The following USH2A variants were observed in gnomAD, a reference collection of about 807,000 sequenced individuals.
USH2A encodes the protein Usher syndrome 2A (autosomal recessive, mild).
Under a neutral mutation model 538.9 loss-of-function variants are expected in USH2A, and 443 were observed. The ratio of observed to expected loss-of-function variants is 0.82; its 90% confidence interval spans 0.76 to 0.89. The LOEUF (loss-of-function observed/expected upper bound fraction) is 0.89. Ranked by LOEUF, USH2A falls within the 40% of genes least tolerant of loss-of-function variation. USH2A has a pLI of 0.00. For missense variants in USH2A, 6,633 were observed against 6,324.8 expected (o/e 1.05, Z -1.65); for synonymous variants, 2,413 against 2,273.5 (o/e 1.06, Z -1.75).
chr1:216,242,304 C>A (rs992428937), intron 13 of USH2A, among the ~76,000 whole-genome samples: 1 of 151,076 alleles, frequency 6.6e-6, no homozygotes, highest in African/African-American at 2.4e-5. Flanking sequence ...GCCGAGACTG[C>A]GCCACTGAAC....
chr1:215,797,134 T>C (rs1021717956), intron 50 of USH2A, among the ~76,000 whole-genome samples: 2 of 152,170 alleles, frequency 1.3e-5, no homozygotes, highest in South Asian at 4.1e-4. Context: ...AATAGTCCCT[T>C]AGGCCAAAGC....
chr1:215,706,712 AT>A (rs1659194275), intron 61 of USH2A, among the ~76,000 whole-genome samples: 1 of 152,078 alleles, frequency 6.6e-6, no homozygotes, highest in Non-Finnish European at 1.5e-5. Flanking sequence ...TTTTCTTTGG[AT>A]TTTTCAGTTA....
chr1:215,643,884 A>G (rs1656768481), intron 67 of USH2A, among the ~76,000 whole-genome samples: 1 of 152,190 alleles, frequency 6.6e-6, no homozygotes, highest in Non-Finnish European at 1.5e-5. Context: ...TAAGAAAAAA[A>G]AAATTCTGGC....
chr1:215,765,434 C>T (rs1661098772), intron 56 of USH2A, among the ~76,000 whole-genome samples: 1 of 152,086 alleles, frequency 6.6e-6, no homozygotes, highest in African/African-American at 2.4e-5. Context: ...TTCCGAGGTA[C>T]AACAATCCAT....
intron 47 of USH2A, among the ~76,000 whole-genome samples, chr1:215,824,415 C>T (rs1003931835): frequency 6.6e-6 from 1 of 151,898 alleles, no homozygotes; most frequent in Admixed American, 6.6e-5. Flanking sequence ...GATGGTGCCT[C>T]AGGTCCAGGT....
intron 26 of USH2A, among the ~76,000 whole-genome samples, chr1:216,080,757 C>T (rs1389435590): frequency 1.3e-5 from 2 of 150,630 alleles, no homozygotes; most frequent in Non-Finnish European, 3.0e-5. Context: ...GGGATAGAAT[C>T]TAGGATGACG....
chr1:216,245,620 C>T (rs531806326), intron 13 of USH2A, among the ~76,000 whole-genome samples: 1 of 152,054 alleles, frequency 6.6e-6, no homozygotes, highest in South Asian at 2.1e-4. Flanking sequence ...AATATAGTCT[C>T]CATTTATGTT....
chr1:215,767,991 G>A (rs1479591699), intron 55 of USH2A, among the ~76,000 whole-genome samples: 1 of 152,102 alleles, frequency 6.6e-6, no homozygotes, highest in African/African-American at 2.4e-5. Flanking sequence ...TCCAATGATT[G>A]TTATGCTTAT....
chr1:216,361,384 G>C (rs1323921180), intron 4 of USH2A, among the ~76,000 whole-genome samples: 1 of 152,088 alleles, frequency 6.6e-6, no homozygotes, highest in Non-Finnish European at 1.5e-5. Context: ...AAAGTATTAA[G>C]TATAAAACAA....
At chr1:215,738,036 T>C (rs1160177638) in intron 60 of USH2A, among the ~76,000 whole-genome samples, 1 of 152,070 alleles carries the variant, frequency 6.6e-6, no homozygotes, top group African/African-American at 2.4e-5. Flanking sequence ...AGAAAGCTCA[T>C]GAGAATAATA....
chr1:215,731,618 GT>G (rs1659997081), intron 60 of USH2A, among the ~76,000 whole-genome samples: 1 of 152,120 alleles, frequency 6.6e-6, no homozygotes, highest in Admixed American at 6.6e-5. Flanking sequence ...ACAAAAATAA[GT>G]ATAAAAACTA....
intron 4 of USH2A, among the ~76,000 whole-genome samples, chr1:216,337,532 G>A (rs1483469866): frequency 6.6e-6 from 1 of 151,336 alleles, no homozygotes; most frequent in African/African-American, 2.4e-5. Flanking sequence ...ATTAGGAATA[G>A]GTGGGAAAGT....
At chr1:216,056,968 A>T (rs967042350) in intron 30 of USH2A, among the ~76,000 whole-genome samples, 1 of 152,212 alleles carries the variant, frequency 6.6e-6, no homozygotes, top group Non-Finnish European at 1.5e-5. Context: ...GATAACCTTG[A>T]AGTATTTGTA....
chr1:215,981,230 T>C (rs1417635360), intron 35 of USH2A, among the ~76,000 whole-genome samples: 1 of 152,114 alleles, frequency 6.6e-6, no homozygotes, highest in East Asian at 1.9e-4. Context: ...TTTTTCTTCT[T>C]TTGTGAAATG....
At chr1:216,360,860 C>T (rs1280055384) in intron 4 of USH2A, among the ~76,000 whole-genome samples, 1 of 151,866 alleles carries the variant, frequency 6.6e-6, no homozygotes, top group Non-Finnish European at 1.5e-5. Context: ...GTTCAGATGC[C>T]CATTCTCCTA....
At chr1:215,916,484 C>G (rs1440180294) in intron 38 of USH2A, among the ~76,000 whole-genome samples, 1 of 152,044 alleles carries the variant, frequency 6.6e-6, no homozygotes, top group African/African-American at 2.4e-5. Flanking sequence ...GTTTATTGTT[C>G]TGAGGGAACT....
intron 70 of USH2A, among the ~76,000 whole-genome samples, chr1:215,630,889 G>T (rs1458981553): frequency 1.3e-5 from 2 of 151,572 alleles, no homozygotes; most frequent in Non-Finnish European, 2.9e-5. Flanking sequence ...CTTGGTGAGT[G>T]GAAATTAATT....
intron 4 of USH2A, among the ~76,000 whole-genome samples, chr1:216,332,340 C>G (rs6604649): frequency 0.015 from 2,282 of 151,946 alleles, 54 homozygotes; most frequent in African/African-American, 0.052. Flanking sequence ...TGCAGTTGAC[C>G]CAGGCAGTAA....
intron 30 of USH2A, among the ~76,000 whole-genome samples, chr1:216,059,704 A>T (rs965020728): frequency 7.2e-5 from 11 of 152,142 alleles, no homozygotes; most frequent in African/African-American, 2.7e-4. Flanking sequence ...TACTGCTCTC[A>T]CTTTTATATG....
Sources: gnomAD v4.1 joint callset for allele counts (sites outside exome capture counted in the v4.1 genomes callset) on GRCh38, gnomAD v4.1.1 for gene constraint, MANE v1.5 for transcripts, NCBI Gene and HGNC (gene_info 2026-07-23, HGNC 2026-07-21) for gene names.